NDRG3: variants seen among roughly 807,000 people sequenced by gnomAD.
NDRG3 encodes NDRG family member 3.
NDRG3 carries 23 observed loss-of-function variants against 57.2 expected under a neutral mutation model. That is an observed-to-expected ratio of 0.40 (90% CI 0.29 to 0.57). NDRG3 has a LOEUF of 0.57. Ranked by LOEUF, NDRG3 falls within the 20% of genes least tolerant of loss-of-function variation. NDRG3 has a pLI of 0.42. For synonymous variants in NDRG3, 132 were observed against 162.6 expected (o/e 0.81, Z 1.43); for missense variants, 384 against 457.3 (o/e 0.84, Z 1.46).
chr20:36,683,422 T>C (rs996052415), intron 6 of NDRG3, among the ~76,000 whole-genome samples: 1 of 151,678 alleles, frequency 6.6e-6, no homozygotes. Context: ...GAGGTCAGCC[T>C]GGCCAACATC....
chr20:36,704,995 C>G (rs562667798), intron 3 of NDRG3, among the ~76,000 whole-genome samples: 7 of 152,232 alleles, frequency 4.6e-5, no homozygotes, highest in Admixed American at 1.3e-4. Flanking sequence ...AAACTTAATT[C>G]TTAATTTCCT....
chr20:36,730,018 G>A (rs1011467351), intron 1 of NDRG3, among the ~76,000 whole-genome samples: 3 of 151,668 alleles, frequency 2.0e-5, no homozygotes, highest in Admixed American at 1.3e-4. Flanking sequence ...AGGCCAAGGC[G>A]GGCAGATCAC....
At chr20:36,656,071 T>C (rs571412469) in intron 15 of NDRG3, among the ~76,000 whole-genome samples, 1 of 148,268 alleles carries the variant, frequency 6.7e-6, no homozygotes, top group Non-Finnish European at 1.5e-5. Flanking sequence ...GAGGCGGAGG[T>C]TGCAGTGAGC....
At chr20:36,693,608 C>T (rs1413310960) in intron 3 of NDRG3, among the ~76,000 whole-genome samples, 2 of 151,828 alleles carry the variant, frequency 1.3e-5, no homozygotes, top group African/African-American at 4.8e-5. Flanking sequence ...AGCCACTCCC[C>T]GTTGCACTGC....
chr20:36,677,752 C>T (rs1318173018), intron 8 of NDRG3, among the ~76,000 whole-genome samples: 1 of 152,174 alleles, frequency 6.6e-6, no homozygotes, highest in Non-Finnish European at 1.5e-5. Context: ...GCTACCCATT[C>T]CTCTGAGCTG....
At chr20:36,686,007 C>T (rs1451063541) in intron 5 of NDRG3, among the ~76,000 whole-genome samples, 2 of 152,138 alleles carry the variant, frequency 1.3e-5, no homozygotes, top group Non-Finnish European at 2.9e-5. Flanking sequence ...ACTATCCTAT[C>T]TCAAGAAAGA....
intron 1 of NDRG3, among the ~76,000 whole-genome samples, chr20:36,744,266 A>G (rs554775857): frequency 6.6e-6 from 1 of 152,258 alleles, no homozygotes; most frequent in East Asian, 1.9e-4. Flanking sequence ...GGGTGGATGG[A>G]GGCCTTTGAG....
chr20:36,720,099 T>G (rs1316965959), intron 2 of NDRG3, among the ~76,000 whole-genome samples: 1 of 144,780 alleles, frequency 6.9e-6, no homozygotes, highest in Non-Finnish European at 1.5e-5. Flanking sequence ...AGAGTGAGAC[T>G]CCGTCTCAAA....
chr20:36,704,155 C>T (rs1029097837), intron 3 of NDRG3, among the ~76,000 whole-genome samples: 2 of 152,118 alleles, frequency 1.3e-5, no homozygotes, highest in Non-Finnish European at 2.9e-5. Context: ...CAGCTCACTG[C>T]AGCCTCCGCC....
intron 1 of NDRG3, among the ~76,000 whole-genome samples, chr20:36,729,662 G>A (rs2148213429): frequency 6.6e-6 from 1 of 152,098 alleles, no homozygotes; most frequent in East Asian, 1.9e-4. Flanking sequence ...CAAGTAGCTG[G>A]GACCACAGGC....
At chr20:36,733,505 A>T (rs1019354833) in intron 1 of NDRG3, among the ~76,000 whole-genome samples, 18 of 151,952 alleles carry the variant, frequency 1.2e-4, no homozygotes, top group Non-Finnish European at 2.4e-4. Context: ...CGGGCGGATC[A>T]CGAGGGCAAG....
In NDRG3 at chr20:36,660,317, G is replaced by A. The variant is rs778816571; in HGVS notation, c.858+20C>T. 6 of 1,585,848 alleles carry A rather than the reference G, an allele frequency of 3.8e-6. No homozygotes were observed. The highest frequency in any genetic ancestry group is 2.7e-5 in the African/African-American group (2 of 73,996). ...TGAAGCACATATAAGGGTTGGAAGTGAGGGAAGAAGGCACATTACCTTTAG... is the reference window on the plus strand; with the variant it reads ...TGAAGCACATATAAGGGTTGGAAGTAAGGGAAGAAGGCACATTACCTTTAG... On this transcript the variant is annotated intron_variant, in intron 13 of 15. Coordinates refer to ENST00000349004, the MANE Select transcript of NDRG3 (RefSeq NM_032013.4).
intron 3 of NDRG3, among the ~76,000 whole-genome samples, chr20:36,705,300 C>T (rs557846867): frequency 3.6e-5 from 5 of 140,600 alleles, no homozygotes; most frequent in African/African-American, 8.1e-5. Context: ...CCAGCCTGGG[C>T]GACTGAGCAA....
chr20:36,697,415 A>C (rs1748376942), intron 3 of NDRG3, among the ~76,000 whole-genome samples: 1 of 152,040 alleles, frequency 6.6e-6, no homozygotes, highest in Admixed American at 6.6e-5. Flanking sequence ...CTGCATTAAA[A>C]TCTGTTCAGG....
At chr20:36,746,002 G>A (rs183011151) in intron 1 of NDRG3, 43 bp downstream of exon 1, 23,604 of 311,934 alleles carry the variant, frequency 0.076, 1,442 homozygotes, top group Admixed American at 0.13. Flanking sequence ...CCCGAATGCG[G>A]CGCCGCGCGC....
chr20:36,667,686 G>A (rs925163259), intron 9 of NDRG3, among the ~76,000 whole-genome samples: 3 of 152,098 alleles, frequency 2.0e-5, no homozygotes, highest in African/African-American at 7.2e-5. Context: ...TTGCATTGGA[G>A]GAAAGAAATA....
chr20:36,680,070 C>T (rs536942090), intron 8 of NDRG3, among the ~76,000 whole-genome samples: 19 of 151,662 alleles, frequency 1.3e-4, no homozygotes, highest in Admixed American at 1.0e-3. Context: ...GTGATCTTCC[C>T]GCCTCTGCCT....
At chr20:36,727,279 G>A (rs1275270) in intron 1 of NDRG3, among the ~76,000 whole-genome samples, 2,409 of 152,094 alleles carry the variant, frequency 0.016, 25 homozygotes, top group Middle Eastern at 0.058. Flanking sequence ...GAGTGCAGTG[G>A]CACGATCTCA....
intron 3 of NDRG3, among the ~76,000 whole-genome samples, chr20:36,703,507 C>G (rs1332663074): frequency 6.6e-6 from 1 of 152,034 alleles, no homozygotes; most frequent in Non-Finnish European, 1.5e-5. Flanking sequence ...TGGGGTCTCA[C>G]TATGTTGCCT....
Sources: allele counts gnomAD v4.1 joint callset (sites outside exome capture counted in the v4.1 genomes callset), GRCh38; gene constraint gnomAD v4.1.1; transcripts MANE v1.5; gene names NCBI Gene and HGNC (gene_info 2026-07-23, HGNC 2026-07-21).